Variants in STN1 observed in about 807,000 individuals in gnomAD.
STN1 encodes STN1 subunit of CST complex.
STN1 carries 29 observed loss-of-function variants against 45.5 expected under a neutral mutation model. The observed-to-expected ratio is 0.64, with a 90% CI of 0.47 to 0.87. The LOEUF is 0.87. STN1 is among the 40% of genes least tolerant of loss of function. The probability of loss-of-function intolerance (pLI) is 0.00; values close to 1 mark genes in which losing one functional copy is unlikely to be tolerated. For missense variants in STN1, 376 were observed against 441.4 expected, an observed-to-expected ratio of 0.85 and a Z score of 1.33; for synonymous variants, 148 against 159.0, an observed-to-expected ratio of 0.93 and a Z score of 0.52.
chr10:103,914,372 ATATTT>A (rs1843313851), intron 2 of STN1, among the ~76,000 whole-genome samples: 4 of 82,698 alleles, frequency 4.8e-5, no homozygotes, highest in Non-Finnish European at 8.9e-5. Context: ...ATATATATAT[ATATTT>A]TTTTTTTTTT....
chr10:103,891,103 C>T (rs1843136774), intron 8 of STN1, among the ~76,000 whole-genome samples: 1 of 152,208 alleles, frequency 6.6e-6, no homozygotes. Context: ...AATGGCCATG[C>T]CCTCTGCTCC....
intron 2 of STN1, among the ~76,000 whole-genome samples, chr10:103,912,207 A>G (rs894451249): frequency 2.0e-5 from 3 of 151,926 alleles, no homozygotes; most frequent in African/African-American, 7.3e-5. Context: ...CCTGGTCTCA[A>G]GCAGAAGCCC....
intron 7 of STN1, among the ~76,000 whole-genome samples, chr10:103,895,576 C>T (rs778450326): frequency 2.0e-5 from 3 of 152,200 alleles, no homozygotes; most frequent in East Asian, 3.8e-4. Flanking sequence ...AGCAGCCAGT[C>T]GTGACCCTTT....
At chr10:103,887,283 G>A (rs997970401) in intron 9 of STN1, among the ~76,000 whole-genome samples, 2 of 152,178 alleles carry the variant, frequency 1.3e-5, no homozygotes, top group African/African-American at 4.8e-5. Flanking sequence ...TATATCGTCG[G>A]CTAAACTTCA....
Position 103,878,128 on chromosome 10 carries a change from G to C in STN1, c.*4556C>G, listed in dbSNP as rs919948381. ...CTTACAGGGATGGGGAGCACTGGTG[G>C]CTTACCATATGGGCATAATCATGGC... On this transcript the variant is annotated 3_prime_UTR_variant, in exon 10 of 10. Coordinates refer to ENST00000224950, the MANE Select transcript of STN1 (RefSeq NM_024928.5). The C allele has an allele frequency of 6.6e-6, 1 of 152,196 alleles. No individual in the cohort carries two copies. Among genetic ancestry groups the C allele is most frequent in the Non-Finnish European group, 1.5e-5 (1 of 68,038 alleles). The allele number at this position is 152,196 out of a possible 1,614,324, so 9.4% of individuals were successfully genotyped here. A position where few individuals can be genotyped will look rare whatever the true frequency, so the allele number is the denominator to read the frequency against.
intron 7 of STN1, among the ~76,000 whole-genome samples, chr10:103,892,838 T>A (rs537239250): frequency 2.0e-5 from 3 of 152,272 alleles, no homozygotes; most frequent in East Asian, 1.9e-4. Context: ...TGCTGTCAGC[T>A]CTCCCCCTCA....
chr10:103,916,320 G>A (rs536299696), intron 2 of STN1, among the ~76,000 whole-genome samples: 1 of 152,272 alleles, frequency 6.6e-6, no homozygotes, highest in African/African-American at 2.4e-5. Context: ...CTAGAATTTG[G>A]TGTGAATTAA....
intron 1 of STN1, 70 bp from the exon 2 acceptor site, chr10:103,917,726 C>T: frequency 2.0e-6 from 2 of 1,024,430 alleles, no homozygotes; most frequent in Non-Finnish European, 2.8e-6. Context: ...CCTGACGCTG[C>T]TCCCAGGTGG....
At chr10:103,902,257 C>A (rs1480776937) in intron 4 of STN1, among the ~76,000 whole-genome samples, 1 of 152,146 alleles carries the variant, frequency 6.6e-6, no homozygotes, top group African/African-American at 2.4e-5. Flanking sequence ...TTCAAAAAAT[C>A]CCCAACTGCT....
At position 103,904,840 on chromosome 10, in the gene STN1, A is replaced by G. The variant is rs535774969; in HGVS notation, c.295+251T>C. ...AAAATGAATTGCTGAAACTCCCTGTAACCTATTCACATTCTTGTAGGCTTA... is the reference window on the plus strand; with the variant it reads ...AAAATGAATTGCTGAAACTCCCTGTGACCTATTCACATTCTTGTAGGCTTA... On this transcript the variant is annotated intron_variant, in intron 4 of 9. Transcript: ENST00000224950. 4.0e-4 allele frequency among the ~76,000 whole-genome samples: 61 copies of G among 152,342 alleles called. 1 individual carries two copies. The South Asian group carries it at 9.1e-3, about 23-fold the overall frequency.
At chr10:103,913,709 A>G (rs1056731337) in intron 2 of STN1, among the ~76,000 whole-genome samples, 2 of 152,198 alleles carry the variant, frequency 1.3e-5, no homozygotes, top group Non-Finnish European at 2.9e-5. Flanking sequence ...CTTCTATAAG[A>G]AGAGAGCTCA....
In STN1 at chr10:103,882,685, C is replaced by T. The variant is rs1419004521; in HGVS notation, c.1106G>A (p.Ter369=). 1.2e-6 allele frequency: 2 copies of T among 1,609,254 alleles called. No individual in the cohort carries two copies. The highest frequency in any genetic ancestry group is 3.4e-5 in the Admixed American group (2 of 59,374). Residue 369 remains the stop codon, a stop_retained_variant, in exon 10 of 10, where the codon TGA becomes TAA. Transcript: ENST00000224950. ...CTCAGCTGGTCTGCGTGTCTCTGCT[C>T]AGAACGCTGTGTAGTAGTGCTCCAT... ...STMEHYYTAF[*]
At chr10:103,886,072 T>A (rs1843101279) in intron 9 of STN1, among the ~76,000 whole-genome samples, 2 of 152,116 alleles carry the variant, frequency 1.3e-5, no homozygotes, top group African/African-American at 4.8e-5. Context: ...TTTTAAAAGT[T>A]TGTCTTAAGT....
intron 9 of STN1, 117 bp from the exon 10 acceptor site, chr10:103,882,958 C>A: frequency 1.0e-6 from 1 of 985,484 alleles, no homozygotes. Context: ...TCTTTATGCA[C>A]ATTAAAGTCA....
At chr10:103,895,939 G>A (rs1186395256) in intron 7 of STN1, among the ~76,000 whole-genome samples, 1 of 152,164 alleles carries the variant, frequency 6.6e-6, no homozygotes, top group African/African-American at 2.4e-5. Flanking sequence ...TGAGACATAC[G>A]TCAATGAAAA....
chr10:103,904,385 GCAGGAGGATCACTTGTGTC>G (rs1445612297), intron 4 of STN1, among the ~76,000 whole-genome samples: 1 of 151,906 alleles, frequency 6.6e-6, no homozygotes, highest in Non-Finnish European at 1.5e-5. Context: ...GGAGGCTGAG[GCAGGAGGATCACTTGTGTC>G]CAGGAGTTTG....
intron 7 of STN1, among the ~76,000 whole-genome samples, chr10:103,896,773 T>G (rs2134364254): frequency 6.6e-6 from 1 of 152,176 alleles, no homozygotes; most frequent in Admixed American, 6.5e-5. Context: ...TGGCCTCAAG[T>G]GATCTGCCCA....
rs1356913358 is a variant in STN1, at chr10:103,909,442, A to ATG, written c.229+1083_229+1084dup. ...TATATATGTATATATATGTATATAT[A>ATG]TGTATATATGTATATATGTATATAT... On this transcript the variant is annotated intron_variant, in intron 3 of 9. Transcript: ENST00000224950. Among the ~76,000 whole-genome samples the ATG allele has an allele frequency of 3.7e-3, 191 of 51,364 alleles. 2 individuals carry two copies. The highest frequency in any genetic ancestry group is 9.3e-3 in the African/African-American group (182 of 19,550). The allele number at this position is 51,364 out of a possible 152,430, so 33.7% of individuals were successfully genotyped here.
rs1589494523 is a variant in STN1, at chr10:103,881,764, C to T, written c.*920G>A. On this transcript the variant is annotated 3_prime_UTR_variant, in exon 10 of 10. Coordinates refer to ENST00000224950, the MANE Select transcript of STN1 (RefSeq NM_024928.5). ...CTGGCTGGATTTGTCATTTTGCTGT[C>T]AGAACAGGCCTACAACATACCTCAG... 6.6e-6 allele frequency among the ~76,000 whole-genome samples: 1 copy of T among 152,194 alleles called. No homozygotes were observed. Among genetic ancestry groups the T allele is most frequent in the African/African-American group, 2.4e-5 (1 of 41,446 alleles).
Sources: allele counts gnomAD v4.1 joint callset (sites outside exome capture counted in the v4.1 genomes callset), GRCh38; gene constraint gnomAD v4.1.1; transcripts MANE v1.5; gene names NCBI Gene and HGNC (gene_info 2026-07-23, HGNC 2026-07-21).